The following ZFP82 variants were observed in gnomAD, a reference collection of about 807,000 sequenced individuals.
ZFP82 encodes ZFP82 zinc finger protein, also known as zinc finger protein 82 homolog.
A neutral mutation model predicts 54.0 loss-of-function variants in ZFP82; 30 were observed. The observed-to-expected ratio is 0.56, with a 90% CI of 0.42 to 0.75. The LOEUF is 0.75. ZFP82 is among the 30% of genes least tolerant of loss of function. The pLI is 0.00. For synonymous variants in ZFP82, 194 were observed against 209.5 expected (o/e 0.93, Z 0.64); for missense variants, 500 against 636.8 (o/e 0.79, Z 2.31).
At chr19:36,400,017 T>C (rs1487274046) in intron 4 of ZFP82, among the ~76,000 whole-genome samples, 1 of 152,182 alleles carries the variant, frequency 6.6e-6, no homozygotes, top group African/African-American at 2.4e-5. Flanking sequence ...GACATACATT[T>C]GAATGTTCTA....
intron 4 of ZFP82, among the ~76,000 whole-genome samples, chr19:36,396,625 C>T (rs932798986): frequency 2.6e-5 from 4 of 151,832 alleles, no homozygotes; most frequent in African/African-American, 9.7e-5. Flanking sequence ...CACTGCACTC[C>T]AGCCTGGGTG....
chr19:36,386,619 G>A, downstream of ZFP82, among the ~76,000 whole-genome samples: 1 of 152,216 alleles, frequency 6.6e-6, no homozygotes. Flanking sequence ...TAGAGTTAAG[G>A]AAGGGTCTTC....
In ZFP82 at chr19:36,389,890, C is replaced by G. The variant is rs545993765; in HGVS notation, c.*2851G>C. ...CCCATACTCCCAACTATCTCCTTTA[C>G]CAAACTCTCATACACCAATTCAATA... is the stretch of plus-strand genomic sequence containing the variant. On this transcript the variant is annotated 3_prime_UTR_variant, in exon 5 of 5. Transcript: ENST00000392161. Among the ~76,000 whole-genome samples, 1 of 152,140 alleles carries G rather than the reference C, an allele frequency of 6.6e-6. No individual in the cohort carries two copies. The highest frequency in any genetic ancestry group is 2.1e-4 in the South Asian group (1 of 4,830).
At chr19:36,385,605 G>A (rs2032106594), downstream of ZFP82, among the ~76,000 whole-genome samples, 1 of 152,164 alleles carries the variant, frequency 6.6e-6, no homozygotes, top group Admixed American at 6.6e-5. Flanking sequence ...TGGAAAGTCT[G>A]AAACTTTTTA....
At chr19:36,416,224 T>C (rs1218421438) in intron 1 of ZFP82, among the ~76,000 whole-genome samples, 1 of 152,202 alleles carries the variant, frequency 6.6e-6, no homozygotes, top group Non-Finnish European at 1.5e-5. Context: ...CATTTCCTAC[T>C]ATTAGACACT....
Position 36,416,076 on chromosome 19 carries a change from T to C in ZFP82, c.-79+2416A>G, listed in dbSNP as rs537466543. ...TAGCTTATTAAGAGCGATTCATACA[T>C]GATTAAAGGTTTTGTGAGTCATCTT... is the stretch of plus-strand genomic sequence containing the variant. On this transcript the variant is annotated intron_variant, in intron 1 of 4. Coordinates refer to ENST00000392161, the MANE Select transcript of ZFP82 (RefSeq NM_133466.4). 1.1e-3 allele frequency among the ~76,000 whole-genome samples: 161 copies of C among 152,320 alleles called. 1 individual carries two copies. The highest frequency in any genetic ancestry group is 6.5e-4 in the Non-Finnish European group (44 of 67,992).
rs1451600024 is a variant in ZFP82, at chr19:36,389,703, A to G, written c.*3038T>C. 6.6e-6 allele frequency among the ~76,000 whole-genome samples: 1 copy of G among 152,192 alleles called. No individual in the cohort carries two copies. The highest frequency in any genetic ancestry group is 2.1e-4 in the South Asian group (1 of 4,830). On this transcript the variant is annotated 3_prime_UTR_variant, in exon 5 of 5. Transcript: ENST00000392161. ...TATGTAGAGACATTTTATTCCTTCAAATCTTGTATTGACTATGTTTTCTTT... is the reference window on the plus strand; with the variant it reads ...TATGTAGAGACATTTTATTCCTTCAGATCTTGTATTGACTATGTTTTCTTT...
rs2032193907 is a variant in ZFP82 at position 36,391,222 on chromosome 19, TA to T, written c.*1518del. 1 of 151,890 alleles carries T rather than the reference TA, an allele frequency of 6.6e-6. No homozygotes were observed. The allele number at this position is 151,890 out of a possible 1,614,324, so 9.4% of individuals were successfully genotyped here. On this transcript the variant is annotated 3_prime_UTR_variant, in exon 5 of 5. Transcript: ENST00000392161. ...ATAATGCTCTAGTATGCTCCATAAC[TA>T]ATCAATGCATTTGGTTCAGGAAAAA...
At chr19:36,404,266 C>A (rs1568487868) in intron 4 of ZFP82, among the ~76,000 whole-genome samples, 1 of 152,204 alleles carries the variant, frequency 6.6e-6, no homozygotes, top group Admixed American at 6.5e-5. Flanking sequence ...TGGCACATGG[C>A]AGGACAGAAG....
At chr19:36,398,362 C>T (rs1002607483) in intron 4 of ZFP82, among the ~76,000 whole-genome samples, 4 of 152,010 alleles carry the variant, frequency 2.6e-5, no homozygotes, top group Admixed American at 6.6e-5. Flanking sequence ...TATTGTGAAA[C>T]CCTGTCTCTA....
Position 36,390,681 on chromosome 19 carries a change from T to C in ZFP82, c.*2060A>G, listed in dbSNP as rs1394756161. ...TTTCACCTAATGGTCTTCGCATCCATTGCTATCACCACGAAAATCCATGAT... is the reference window on the plus strand; with the variant it reads ...TTTCACCTAATGGTCTTCGCATCCACTGCTATCACCACGAAAATCCATGAT... On this transcript the variant is annotated 3_prime_UTR_variant, in exon 5 of 5. Transcript: ENST00000392161. The C allele has an allele frequency of 6.6e-6, 1 of 152,204 alleles. No homozygotes were observed. Among genetic ancestry groups the C allele is most frequent in the African/African-American group, 2.4e-5 (1 of 41,448 alleles). 9.4% of individuals were successfully genotyped at this position (152,204 alleles called of 1,614,324 possible). A position where few individuals can be genotyped will look rare whatever the true frequency, so the allele number is the denominator to read the frequency against.
chr19:36,405,817 G>A (rs573816947), intron 3 of ZFP82, 145 bp from the exon 4 acceptor site: 98 of 524,552 alleles, frequency 1.9e-4, no homozygotes, highest in Non-Finnish European at 2.7e-4. Context: ...AAACATTTAC[G>A]TTAAGGTTAC....
At chr19:36,407,827 A>G (rs2032510398) in intron 3 of ZFP82, 60 bp downstream of exon 3, 1 of 1,548,642 alleles carries the variant, frequency 6.5e-7, no homozygotes, top group Admixed American at 2.0e-5. Flanking sequence ...TGAAATTTCC[A>G]CAGGAAAAAG....
At position 36,390,334 on chromosome 19, in the gene ZFP82, T is replaced by G. The variant is rs1299277551; in HGVS notation, c.*2407A>C. The G allele has an allele frequency of 6.6e-6, 1 of 150,610 alleles. No individual in the cohort carries two copies. The highest frequency in any genetic ancestry group is 2.4e-5 in the African/African-American group (1 of 41,204). 9.3% of individuals were successfully genotyped at this position (150,610 alleles called of 1,614,324 possible). On this transcript the variant is annotated 3_prime_UTR_variant, in exon 5 of 5. Coordinates refer to ENST00000392161, the MANE Select transcript of ZFP82 (RefSeq NM_133466.4). ...AAGTGTAGGATTCCATTTTTGTCTTTTTTTTTTTTTTTTTTGACATGTATT... is the reference window on the plus strand; with the variant it reads ...AAGTGTAGGATTCCATTTTTGTCTTGTTTTTTTTTTTTTTTGACATGTATT...
At chr19:36,400,189 A>G (rs1217220464) in intron 4 of ZFP82, among the ~76,000 whole-genome samples, 1 of 152,122 alleles carries the variant, frequency 6.6e-6, no homozygotes, top group African/African-American at 2.4e-5. Context: ...GATCAGGTAA[A>G]AATATATAAA....
At chr19:36,386,206 C>G (rs1263729212), downstream of ZFP82, among the ~76,000 whole-genome samples, 1 of 152,242 alleles carries the variant, frequency 6.6e-6, no homozygotes, top group Non-Finnish European at 1.5e-5. Flanking sequence ...AGTAGAGTGC[C>G]CTTGGCTGCC....
In ZFP82 at chr19:36,391,411, A is replaced by C. The variant is rs1048741286; in HGVS notation, c.*1330T>G. The stretch of plus-strand genomic sequence containing the variant: ...AATACAGGTGACTTTTAATTTCCAA[A>C]GTTTCATGTTATCCTTTGTCAATTT... On this transcript the variant is annotated 3_prime_UTR_variant, in exon 5 of 5. Transcript: ENST00000392161. The C allele has an allele frequency of 6.6e-6, 1 of 152,018 alleles. No homozygotes were observed. The highest frequency in any genetic ancestry group is 2.4e-5 in the African/African-American group (1 of 41,396). 9.4% of individuals were successfully genotyped at this position (152,018 alleles called of 1,614,324 possible).
Position 36,407,969 on chromosome 19 carries a change from T to G in ZFP82, c.54A>C (p.Glu18Asp), listed in dbSNP as rs746973844. Reference sequence around the variant, plus strand: ...GTTCCAAGTCCAGGTATTCCCACTCTTCTGGAGAGAAGTCTATGGATACAT... The same window carrying G: ...GTTCCAAGTCCAGGTATTCCCACTCGTCTGGAGAGAAGTCTATGGATACAT... ...FSDVSIDFSP[E>D]EWEYLDLEQK... Residue 18 changes from glutamate (E) to aspartate (D), a missense_variant, in exon 3 of 5, where the codon GAA (glutamate) becomes GAC (aspartate). Coordinates refer to ENST00000392161, the MANE Select transcript of ZFP82 (RefSeq NM_133466.4). 2.9e-5 allele frequency: 47 copies of G among 1,614,022 alleles called. No homozygotes were observed. The highest frequency in any genetic ancestry group is 3.7e-5 in the Non-Finnish European group (44 of 1,179,990).
In ZFP82 at chr19:36,393,531, G is replaced by C; in HGVS notation, c.809C>G (p.Thr270Ser). The change falls in exon 5 of 5, where the codon ACT becomes AGT. Residue 270 changes from threonine (T) to serine (S), a missense_variant. By Grantham distance (58) the Thr-to-Ser change is moderately conservative. Coordinates refer to ENST00000392161, the MANE Select transcript of ZFP82 (RefSeq NM_133466.4). Reference protein sequence around the residue: ...GKAFRVRGQLTLHQRIHTGEK... With the variant: ...GKAFRVRGQLSLHQRIHTGEK... ...ACCAGTATGAATCCTCTGATGCAGA[G>C]TAAGTTGTCCTCGTACCCTAAAAGC... 1 of 1,614,070 alleles carries C rather than the reference G, an allele frequency of 6.2e-7. No homozygotes were observed. Among genetic ancestry groups the C allele is most frequent in the Non-Finnish European group, 8.5e-7 (1 of 1,179,980 alleles).
Sources: gnomAD v4.1 joint callset for allele counts (sites outside exome capture counted in the v4.1 genomes callset) on GRCh38, gnomAD v4.1.1 for gene constraint, MANE v1.5 for transcripts, NCBI Gene and HGNC (gene_info 2026-07-23, HGNC 2026-07-21) for gene names.